C16orf46: variants seen among roughly 807,000 people sequenced by gnomAD.
C16orf46 encodes the protein chromosome 16 open reading frame 46.
Under a neutral mutation model 5.5 loss-of-function variants are expected in C16orf46, and 7 were observed. That is an observed-to-expected ratio of 1.28 (90% confidence interval 0.73 to 2.40). The LOEUF is 2.40. Ranked by LOEUF, C16orf46 falls within the 30% of genes most tolerant of loss-of-function variation. The probability of loss-of-function intolerance (pLI) is 0.00; values close to 1 mark genes in which losing one functional copy is unlikely to be tolerated. For synonymous variants in C16orf46, 200 were observed against 184.1 expected (o/e 1.09, Z -0.70); for missense variants, 614 against 476.0 (o/e 1.29, Z -2.70).
At chr16:81,059,980 G>T (rs867640722), downstream of C16orf46, among the ~76,000 whole-genome samples, 1 of 151,772 alleles carries the variant, frequency 6.6e-6, no homozygotes, top group Non-Finnish European at 1.5e-5. Context: ...AGTAGAGATA[G>T]GGTTTCACCG....
chr16:81,068,904 C>G (rs537889674), intron 1 of C16orf46, among the ~76,000 whole-genome samples: 2 of 151,938 alleles, frequency 1.3e-5, no homozygotes, highest in East Asian at 3.9e-4. Flanking sequence ...AGGGTTTCAC[C>G]ATGTTGGCCA....
Position 81,061,728 on chromosome 16 carries a change from G to A in C16orf46, c.621C>T (p.Ala207=), listed in dbSNP as rs1971484378. Residue 207 remains alanine (A), a synonymous_variant, in exon 4 of 4, where the codon GCC becomes GCT. Transcript: ENST00000299578. ...LSIPGPLTSR[A]LLVLPPLKAS... is the part of the protein sequence containing the mutation. The stretch of plus-strand genomic sequence containing the variant: ...CCTTCAGGGGAGGCAGAACTAGGAG[G>A]GCCCTGGAAGTCAGGGGGCCTGGGA... 4 of 1,613,994 alleles carry A rather than the reference G, an allele frequency of 2.5e-6. No individual in the cohort carries two copies. In the East Asian group the frequency reaches 6.7e-5, roughly 27 times the overall value.
chr16:81,073,530 A>G (rs538817666), intron 1 of C16orf46, among the ~76,000 whole-genome samples: 189 of 152,334 alleles, frequency 1.2e-3, no homozygotes, highest in Non-Finnish European at 1.8e-3. Context: ...TATAACATCC[A>G]CAAATATGTT....
Position 81,064,401 on chromosome 16 carries a change from A to C in C16orf46, c.-38-408T>G, listed in dbSNP as rs137884724. Among the ~76,000 whole-genome samples the C allele has an allele frequency of 2.8e-3, 420 of 152,036 alleles. 3 individuals carry two copies. The highest frequency in any genetic ancestry group is 9.7e-3 in the African/African-American group (403 of 41,492). On this transcript the variant is annotated intron_variant, in intron 2 of 3. Coordinates refer to ENST00000299578, the MANE Select transcript of C16orf46 (RefSeq NM_152337.3). ...AAAAGAAAGAAAGAAACATTCAGGA[A>C]TAGACTGAGAACAAATATTACGCAA...
chr16:81,067,025 T>C (rs906442030), intron 1 of C16orf46, among the ~76,000 whole-genome samples: 4 of 152,188 alleles, frequency 2.6e-5, no homozygotes, highest in African/African-American at 7.2e-5. Flanking sequence ...AAAGAAATAG[T>C]TGACTCTGAT....
chr16:81,060,223 T>C (rs1345886780), downstream of C16orf46, among the ~76,000 whole-genome samples: 1 of 152,180 alleles, frequency 6.6e-6, no homozygotes, highest in East Asian at 1.9e-4. Flanking sequence ...GACGATAGTG[T>C]ATATACATGG....
intron 1 of C16orf46, among the ~76,000 whole-genome samples, chr16:81,074,319 G>T (rs1971953607): frequency 6.6e-6 from 1 of 152,116 alleles, no homozygotes; most frequent in Non-Finnish European, 1.5e-5. Context: ...GACTCCTTTT[G>T]ATCTGAAATC....
At chr16:81,060,587 G>C (rs1454956145), downstream of C16orf46, 1 of 153,484 alleles carries the variant, frequency 6.5e-6, no homozygotes, top group African/African-American at 2.4e-5. Context: ...TGAGATTAGA[G>C]GCGTAAGCCA....
intron 1 of C16orf46, among the ~76,000 whole-genome samples, chr16:81,070,124 C>T (rs1185647440): frequency 7.5e-6 from 1 of 134,216 alleles, no homozygotes; most frequent in African/African-American, 2.8e-5. Flanking sequence ...GACTCCATCT[C>T]AAAAAAAAAA....
At chr16:81,075,468 T>C (rs1032702577) in intron 1 of C16orf46, among the ~76,000 whole-genome samples, 1 of 152,140 alleles carries the variant, frequency 6.6e-6, no homozygotes, top group Non-Finnish European at 1.5e-5. Context: ...CTCACGCCTG[T>C]AGTCCCAGCC....
In C16orf46 at chr16:81,061,549, C is replaced by T; in HGVS notation, c.800G>A (p.Ser267Asn). The T allele has an allele frequency of 1.2e-6, 2 of 1,614,208 alleles. No homozygotes were observed. Among genetic ancestry groups the T allele is most frequent in the South Asian group, 1.1e-5 (1 of 91,090 alleles). The change falls in exon 4 of 4, where the codon AGT becomes AAT. Residue 267 changes from serine to asparagine, a missense_variant. Ser to Asn is a conservative substitution (Grantham distance 46). Transcript: ENST00000299578. ...GACCATAGGGTGTTTGGCCAGCTCA[C>T]TGGCTCTTTTTTCACCTTTCCCATC... is the stretch of plus-strand genomic sequence containing the variant. ...TADGKGEKRA[S>N]ELAKHPMVND...
chr16:81,059,978 T>G (rs988687809), downstream of C16orf46, among the ~76,000 whole-genome samples: 2 of 151,292 alleles, frequency 1.3e-5, no homozygotes, highest in African/African-American at 4.9e-5. Context: ...TTAGTAGAGA[T>G]AGGGTTTCAC....
chr16:81,075,926 C>G (rs548675049), intron 1 of C16orf46, among the ~76,000 whole-genome samples: 17 of 152,256 alleles, frequency 1.1e-4, no homozygotes, highest in African/African-American at 3.9e-4. Flanking sequence ...TCTCAAAACT[C>G]CTTATCACCT....
chr16:81,061,614 C>G lies in C16orf46; in HGVS notation c.735G>C (p.Lys245Asn). Residue 245 changes from lysine to asparagine, a missense_variant, in exon 4 of 4, where the codon AAG (lysine) becomes AAC (asparagine). By Grantham distance (94) the Lys-to-Asn change is moderately conservative (BLOSUM62 0). Transcript: ENST00000299578. ...CATATGCATAAGCCACACACCCATC[C>G]TTTTCCACATCCAGCACCTTCTCTT... ...QSEEKVLDVE[K>N]DGCVAYAYGL... 6.2e-7 allele frequency: 1 copy of G among 1,614,202 alleles called. No individual in the cohort carries two copies. Among genetic ancestry groups the G allele is most frequent in the South Asian group, 1.1e-5 (1 of 91,090 alleles).
At chr16:81,060,940 A>G (rs142573265), downstream of C16orf46, 31 of 1,317,528 alleles carry the variant, frequency 2.4e-5, no homozygotes, top group Middle Eastern at 5.7e-4. Context: ...ACGTTAACAC[A>G]TGAATATGGT....
rs751971056 is a variant in C16orf46 at position 81,061,428 on chromosome 16, T to C, written c.921A>G (p.Lys307=). The C allele has an allele frequency of 8.7e-6, 14 of 1,614,010 alleles. No homozygotes were observed. The highest frequency in any genetic ancestry group is 1.2e-5 in the Non-Finnish European group (14 of 1,180,028). ...TGGGGTCTGGAGGGCACGCCAGGTT[T>C]TTCTCAGACAGGAGGGACCAATGCA... ...RCLHWSLLSE[K]NLACPPDPSN... is the part of the protein sequence containing the mutation. The change falls in exon 4 of 4, where the codon AAA becomes AAG. Residue 307 remains lysine (K), a synonymous_variant. Coordinates refer to ENST00000299578, the MANE Select transcript of C16orf46 (RefSeq NM_152337.3).
Position 81,061,238 on chromosome 16 carries a change from CTT to C in C16orf46, c.1109_1110del (p.Lys370SerfsTer?), listed in dbSNP as rs1161346714. 1 of 1,614,006 alleles carries C rather than the reference CTT, an allele frequency of 6.2e-7. No homozygotes were observed. Among genetic ancestry groups the C allele is most frequent in the Non-Finnish European group, 8.5e-7 (1 of 1,180,038 alleles). On this transcript the variant is annotated frameshift_variant, in exon 4 of 4. Coordinates refer to ENST00000299578, the MANE Select transcript of C16orf46 (RefSeq NM_152337.3). LOFTEE classifies it high-confidence loss of function. Reference protein sequence around the residue: ...QENRPQMLETKVFPRPVLPSL... With the variant: ...QENRPQMLETXVFPRPVLPSL... ...GACGGCAAGACAGGTCTTGGGAAAACTTTGGTCTCCAGCATTTGGGGCCTGTT... is the reference window on the plus strand; with the variant it reads ...GACGGCAAGACAGGTCTTGGGAAAACTGGTCTCCAGCATTTGGGGCCTGTT...
downstream of C16orf46, chr16:81,060,852 G>T: frequency 2.1e-6 from 1 of 487,512 alleles, no homozygotes; most frequent in Non-Finnish European, 2.9e-6. Flanking sequence ...GGCTTCTGCT[G>T]GGAGTGGACA....
downstream of C16orf46, among the ~76,000 whole-genome samples, chr16:81,057,675 G>GGTTATT: frequency 6.6e-6 from 1 of 151,482 alleles, no homozygotes; most frequent in African/African-American, 2.4e-5. Flanking sequence ...AGTTCATTTA[G>GGTTATT]GTTGTTGTTG....
Sources: allele counts gnomAD v4.1 joint callset (sites outside exome capture counted in the v4.1 genomes callset), GRCh38; gene constraint gnomAD v4.1.1; transcripts MANE v1.5; gene names NCBI Gene and HGNC (gene_info 2026-07-23, HGNC 2026-07-21).